Variants in AP5B1 observed in about 807,000 individuals in gnomAD.
The protein encoded by AP5B1 is AP-5 complex subunit beta-1.
In AP5B1, 3 loss-of-function variants were observed where a neutral mutation model predicts 5.7. That is an observed-to-expected ratio of 0.53 (90% CI 0.24 to 1.36). The LOEUF (loss-of-function observed/expected upper bound fraction) is 1.36, where lower values mean the gene tolerates loss of function less well. Ranked by LOEUF, AP5B1 falls within the 40% of genes most tolerant of loss-of-function variation. AP5B1 has a pLI of 0.17. For missense variants in AP5B1, 1,310 were observed against 1,143.2 expected (o/e 1.15, Z -2.10); for synonymous variants, 696 against 555.5 (o/e 1.25, Z -3.56).
At position 65,778,506 on chromosome 11, in the gene AP5B1, G is replaced by A. The variant is rs761631218; in HGVS notation, c.1987C>T (p.Leu663=). The A allele has an allele frequency of 8.9e-6, 14 of 1,573,872 alleles. No individual in the cohort carries two copies. Among genetic ancestry groups the A allele is most frequent in the Non-Finnish European group, 1.2e-5 (14 of 1,164,250 alleles). The change falls in exon 2 of 2, where the codon CTG becomes TTG. Residue 663 remains leucine, a synonymous_variant. Transcript: ENST00000532090. ...TGGGACCCCAGGCTCAGCCGTACCA[G>A]GGCCGGTGCCTCCTGCACCATCAGT... ...AALMVQEAPA[L]VRLSLGSHRV... is the part of the protein sequence containing the mutation.
rs368810053 is a variant in AP5B1, at chr11:65,778,981, A to G, written c.1512T>C (p.Phe504=). 33 of 1,612,532 alleles carry G rather than the reference A, an allele frequency of 2.0e-5. 1 individual carries two copies. The South Asian group carries it at 3.4e-4, about 17-fold the overall frequency. The part of the protein sequence containing the change: ...YQARPMLAPH[F]VDLLDQVDSE... Reference sequence around the variant, plus strand: ...AGTCCACCTGATCCAAGAGGTCCACAAAGTGGGGAGCCAGCATGGGCCGGG... The same window carrying G: ...AGTCCACCTGATCCAAGAGGTCCACGAAGTGGGGAGCCAGCATGGGCCGGG... Residue 504 remains phenylalanine (F), a synonymous_variant, in exon 2 of 2, where the codon TTT becomes TTC. Coordinates refer to ENST00000532090, the MANE Select transcript of AP5B1 (RefSeq NM_138368.5).
In AP5B1 at chr11:65,779,431, A is replaced by T. The variant is rs764544201; in HGVS notation, c.1062T>A (p.Ala354=). The T allele has an allele frequency of 6.2e-7, 1 of 1,607,822 alleles. No individual in the cohort carries two copies. Among genetic ancestry groups the T allele is most frequent in the African/African-American group, 1.3e-5 (1 of 74,882 alleles). Residue 354 remains alanine (A), a synonymous_variant, in exon 2 of 2, where the codon GCT becomes GCA. Coordinates refer to ENST00000532090, the MANE Select transcript of AP5B1 (RefSeq NM_138368.5). The part of the protein sequence containing the change: ...EALLLRRLTL[A]AQHPALPPPT... ...GCGGAGGCAGAGCAGGGTGCTGGGC[A>T]GCCAAGGTGAGCCGGCGGAGCAGCA... is the stretch of plus-strand genomic sequence containing the variant.
rs1857781488 is a variant in AP5B1 at position 65,777,697 on chromosome 11, A to G, written c.*159T>C. Reference sequence around the variant, plus strand: ...GCTAGAGCAGCAAAAACAGACTCAGACAGACCCTCACCCCCAGGAGCCTGC... The same window carrying G: ...GCTAGAGCAGCAAAAACAGACTCAGGCAGACCCTCACCCCCAGGAGCCTGC... On this transcript the variant is annotated 3_prime_UTR_variant, in exon 2 of 2. Coordinates refer to ENST00000532090, the MANE Select transcript of AP5B1 (RefSeq NM_138368.5). The G allele has an allele frequency of 1.2e-6, 1 of 812,664 alleles. No homozygotes were observed. Among genetic ancestry groups the G allele is most frequent in the Non-Finnish European group, 1.9e-6 (1 of 535,994 alleles). 50.3% of individuals were successfully genotyped at this position (812,664 alleles called of 1,614,324 possible).
At position 65,779,189 on chromosome 11, in the gene AP5B1, G is replaced by A; in HGVS notation, c.1304C>T (p.Pro435Leu). ...CTCTTCCAGGTAGTGCCGTGGGCTT[G>A]GAAGCTGGCCTTTCTCCTCTTCTTC... ...EEEEEEKGQL[P>L]SPRHYLEELL... The change falls in exon 2 of 2, where the codon CCA becomes CTA. Residue 435 changes from proline (P) to leucine (L), a missense_variant. Transcript: ENST00000532090. 1 of 1,609,636 alleles carries A rather than the reference G, an allele frequency of 6.2e-7. No individual in the cohort carries two copies. The highest frequency in any genetic ancestry group is 1.3e-5 in the African/African-American group (1 of 74,994).
Position 65,780,425 on chromosome 11 carries a change from G to A in AP5B1, c.150+17C>T, listed in dbSNP as rs1351841659. ...GGTGACCCTGCGGAACGGCGCAGGGGACGCGTGGGGGCCTACCTTGGTCTG... is the reference window on the plus strand; with the variant it reads ...GGTGACCCTGCGGAACGGCGCAGGGAACGCGTGGGGGCCTACCTTGGTCTG... On this transcript the variant is annotated intron_variant, in intron 1 of 1. Coordinates refer to ENST00000532090, the MANE Select transcript of AP5B1 (RefSeq NM_138368.5). 7 of 1,487,872 alleles carry A rather than the reference G, an allele frequency of 4.7e-6. No individual in the cohort carries two copies. The highest frequency in any genetic ancestry group is 4.5e-6 in the Non-Finnish European group (5 of 1,122,192). The allele number at this position is 1,487,872 out of a possible 1,614,324, so 92.2% of individuals were successfully genotyped here. A position where few individuals can be genotyped will look rare whatever the true frequency, so the allele number is the denominator to read the frequency against.
In AP5B1 at chr11:65,778,747, C is replaced by A; in HGVS notation, c.1746G>T (p.Ala582=). The change falls in exon 2 of 2, where the codon GCG becomes GCT. Residue 582 remains alanine (A), a synonymous_variant. Transcript: ENST00000532090. The part of the protein sequence containing the change: ...LQQGLLRVCR[A]LLRAGVRGGL... ...CGCCCCTCACCCCTGCCCGCAGCAG[C>A]GCCCGGCAGACCCGCAGCAGGCCCT... The A allele has an allele frequency of 2.5e-6, 4 of 1,606,716 alleles. No homozygotes were observed. In the East Asian group the frequency reaches 8.9e-5, roughly 36 times the overall value.
At position 65,774,568 on chromosome 11, in the gene AP5B1, C is replaced by T. The variant is rs1590988610; in HGVS notation, c.*3288G>A. Among the ~76,000 whole-genome samples the T allele has an allele frequency of 6.6e-6, 1 of 152,158 alleles. No individual in the cohort carries two copies. Among genetic ancestry groups the T allele is most frequent in the Admixed American group, 6.5e-5 (1 of 15,272 alleles). On this transcript the variant is annotated 3_prime_UTR_variant, in exon 2 of 2. Transcript: ENST00000532090. The stretch of plus-strand genomic sequence containing the variant: ...CTGGGATTATGAGCACGCCACCACA[C>T]CCGGCTAATTTTTGGATTTTTAGTA...
rs1392265588 is a variant in AP5B1 at position 65,777,918 on chromosome 11, C to T, written c.2575G>A (p.Asp859Asn). The change falls in exon 2 of 2, where the codon GAT (aspartate) becomes AAT (asparagine). Residue 859 changes from aspartate (D) to asparagine (N), a missense_variant. Asp to Asn is a conservative substitution (Grantham distance 23). Coordinates refer to ENST00000532090, the MANE Select transcript of AP5B1 (RefSeq NM_138368.5). Reference protein sequence around the residue: ...ADGVPVALRTDDWAVLPLAGD... With the variant: ...ADGVPVALRTNDWAVLPLAGD... ...GCCAGGGGCAGCACGGCCCAGTCAT[C>T]GGTCCGCAGGGCCACAGGCACTCCA... 5 of 1,558,208 alleles carry T rather than the reference C, an allele frequency of 3.2e-6. No homozygotes were observed. Among genetic ancestry groups the T allele is most frequent in the Admixed American group, 1.9e-5 (1 of 51,474 alleles).
rs1334795573 is a variant in AP5B1 at position 65,780,695 on chromosome 11, G to A, written c.-104C>T. The A allele has an allele frequency of 3.3e-6, 4 of 1,204,466 alleles. No homozygotes were observed. In the African/African-American group the frequency reaches 6.4e-5, roughly 19 times the overall value. The allele number at this position is 1,204,466 out of a possible 1,614,324, so 74.6% of individuals were successfully genotyped here. A position where few individuals can be genotyped will look rare whatever the true frequency, so the allele number is the denominator to read the frequency against. On this transcript the variant is annotated 5_prime_UTR_variant, in exon 1 of 2. Coordinates refer to ENST00000532090, the MANE Select transcript of AP5B1 (RefSeq NM_138368.5). ...CCCCGAGGGGCTGCGGTCACCCCCA[G>A]ACGCCGCGCAGATGCCGGCGGGACC...
Position 65,780,583 on chromosome 11 carries a change from G to C in AP5B1, c.9C>G (p.Pro3=), listed in dbSNP as rs766625728. 1.6e-5 allele frequency: 24 copies of C among 1,455,344 alleles called. No homozygotes were observed. Among genetic ancestry groups the C allele is most frequent in the Middle Eastern group, 1.8e-4 (1 of 5,420 alleles). 90.2% of individuals were successfully genotyped at this position (1,455,344 alleles called of 1,614,324 possible). A position where few individuals can be genotyped will look rare whatever the true frequency, so the allele number is the denominator to read the frequency against. MG[P]LSRDAWAQRL... ...GCTGGGCCCAGGCGTCCCGGCTCAGGGGCCCCATGGTGAGGCGCGCGGGCC... is the reference window on the plus strand; with the variant it reads ...GCTGGGCCCAGGCGTCCCGGCTCAGCGGCCCCATGGTGAGGCGCGCGGGCC... The change falls in exon 1 of 2, where the codon CCC becomes CCG. Residue 3 remains proline (P), a synonymous_variant. Transcript: ENST00000532090.
Position 65,777,897 on chromosome 11 carries a change from G to C in AP5B1, c.2596C>G (p.Leu866Val), listed in dbSNP as rs577605653. ...LRTDDWAVLP[L>V]AGDYLRGLAA... Reference sequence around the variant, plus strand: ...AGCCCACGGAGGTAGTCCCCCGCCAGGGGCAGCACGGCCCAGTCATCGGTC... The same window carrying C: ...AGCCCACGGAGGTAGTCCCCCGCCACGGGCAGCACGGCCCAGTCATCGGTC... Residue 866 changes from leucine (L) to valine (V), a missense_variant, in exon 2 of 2, where the codon CTG (leucine) becomes GTG (valine). Coordinates refer to ENST00000532090, the MANE Select transcript of AP5B1 (RefSeq NM_138368.5). The C allele has an allele frequency of 9.4e-5, 146 of 1,547,660 alleles. 4 individuals carry two copies. In the Admixed American group the frequency reaches 2.2e-3, roughly 23 times the overall value.
rs1313253730 is a variant in AP5B1, at chr11:65,775,281, G to C, written c.*2575C>G. Among the ~76,000 whole-genome samples, 1 of 152,178 alleles carries C rather than the reference G, an allele frequency of 6.6e-6. No homozygotes were observed. The highest frequency in any genetic ancestry group is 2.4e-5 in the African/African-American group (1 of 41,416). ...AATGGGATGGATGCACAAGTGGGCA[G>C]ACAGATGGGTGAAAGGATGGTCAGT... is the stretch of plus-strand genomic sequence containing the variant. On this transcript the variant is annotated 3_prime_UTR_variant, in exon 2 of 2. Coordinates refer to ENST00000532090, the MANE Select transcript of AP5B1 (RefSeq NM_138368.5).
Position 65,778,144 on chromosome 11 carries a change from C to A in AP5B1, c.2349G>T (p.Glu783Asp), listed in dbSNP as rs761188257. ...CTGGCAGGCAGGAATCCCAGAGCTC[C>A]TCAAAGAAGCCCAGCCCGGCCCCCT... ...PPEGAGLGFF[E>D]ELWDSCLPEG... is the part of the protein sequence containing the mutation. Residue 783 changes from glutamate (E) to aspartate (D), a missense_variant, in exon 2 of 2, where the codon GAG becomes GAT. Transcript: ENST00000532090. The A allele has an allele frequency of 2.5e-6, 4 of 1,612,912 alleles. No individual in the cohort carries two copies. Among genetic ancestry groups the A allele is most frequent in the Non-Finnish European group, 3.4e-6 (4 of 1,179,888 alleles).
rs1464294509 is a variant in AP5B1 at position 65,778,629 on chromosome 11, G to A, written c.1864C>T (p.Leu622=). The part of the protein sequence containing the change: ...ARLYYILLAH[L]AAPKLGVALG... ...GCCACCCCCAACTTGGGTGCTGCCA[G>A]GTGTGCCAGCAGGATGTAGTAGAGG... Residue 622 remains leucine, a synonymous_variant, in exon 2 of 2, where the codon CTG becomes TTG. Coordinates refer to ENST00000532090, the MANE Select transcript of AP5B1 (RefSeq NM_138368.5). 6.3e-7 allele frequency: 1 copy of A among 1,595,292 alleles called. No homozygotes were observed. Among genetic ancestry groups the A allele is most frequent in the South Asian group, 1.1e-5 (1 of 88,526 alleles).
In AP5B1 at chr11:65,778,985, T is replaced by C. The variant is rs1329842014; in HGVS notation, c.1508A>G (p.His503Arg). The change falls in exon 2 of 2, where the codon CAC becomes CGC. Residue 503 changes from histidine to arginine, a missense_variant. Coordinates refer to ENST00000532090, the MANE Select transcript of AP5B1 (RefSeq NM_138368.5). ...CACCTGATCCAAGAGGTCCACAAAGTGGGGAGCCAGCATGGGCCGGGCTTG... is the reference window on the plus strand; with the variant it reads ...CACCTGATCCAAGAGGTCCACAAAGCGGGGAGCCAGCATGGGCCGGGCTTG... ...LYQARPMLAP[H>R]FVDLLDQVDS... 5.0e-6 allele frequency: 8 copies of C among 1,612,044 alleles called. No homozygotes were observed. The highest frequency in any genetic ancestry group is 1.3e-5 in the African/African-American group (1 of 74,884).
At position 65,774,554 on chromosome 11, in the gene AP5B1, A is replaced by C. The variant is rs115011816; in HGVS notation, c.*3302T>G. Among the ~76,000 whole-genome samples the C allele has an allele frequency of 1.2e-4, 19 of 152,028 alleles. No individual in the cohort carries two copies. The highest frequency in any genetic ancestry group is 2.4e-4 in the Non-Finnish European group (16 of 68,002). On this transcript the variant is annotated 3_prime_UTR_variant, in exon 2 of 2. Coordinates refer to ENST00000532090, the MANE Select transcript of AP5B1 (RefSeq NM_138368.5). The stretch of plus-strand genomic sequence containing the variant: ...AGCCTCCTGAGTAGCTGGGATTATG[A>C]GCACGCCACCACACCCGGCTAATTT...
At position 65,778,387 on chromosome 11, in the gene AP5B1, C is replaced by T. The variant is rs576186075; in HGVS notation, c.2106G>A (p.Gln702=). The T allele has an allele frequency of 2.0e-4, 319 of 1,602,794 alleles. 4 individuals carry two copies. The South Asian group carries it at 3.3e-3, about 17-fold the overall frequency. The change falls in exon 2 of 2, where the codon CAG becomes CAA. Residue 702 remains glutamine (Q), a synonymous_variant. Transcript: ENST00000532090. The part of the protein sequence containing the change: ...SLELRFRVEG[Q]LYAPLEAVHV... Reference sequence around the variant, plus strand: ...GGACAGCCTCCAGGGGTGCATACAGCTGTCCTTCCACACGGAAGCGCAGCT... The same window carrying T: ...GGACAGCCTCCAGGGGTGCATACAGTTGTCCTTCCACACGGAAGCGCAGCT...
Position 65,778,911 on chromosome 11 carries a change from C to T in AP5B1, c.1582G>A (p.Val528Met). 1 of 1,612,298 alleles carries T rather than the reference C, an allele frequency of 6.2e-7. No homozygotes were observed. The highest frequency in any genetic ancestry group is 1.3e-5 in the African/African-American group (1 of 75,074). Residue 528 changes from valine (V) to methionine (M), a missense_variant, in exon 2 of 2, where the codon GTG (valine) becomes ATG (methionine). Val to Met is a conservative substitution (Grantham distance 21). Transcript: ENST00000532090. ...PLKVVLRQVV[V>M]SRPGRDEALC... is the part of the protein sequence containing the mutation. ...GCTTCATCCCTGCCCGGCCTGGACACCACCACCTGCCGCAACACCACCTTC... is the reference window on the plus strand; with the variant it reads ...GCTTCATCCCTGCCCGGCCTGGACATCACCACCTGCCGCAACACCACCTTC...
Position 65,775,411 on chromosome 11 carries a change from G to A in AP5B1, c.*2445C>T, listed in dbSNP as rs542965081. 6.6e-6 allele frequency among the ~76,000 whole-genome samples: 1 copy of A among 152,330 alleles called. No homozygotes were observed. The highest frequency in any genetic ancestry group is 2.4e-5 in the African/African-American group (1 of 41,574). On this transcript the variant is annotated 3_prime_UTR_variant, in exon 2 of 2. Coordinates refer to ENST00000532090, the MANE Select transcript of AP5B1 (RefSeq NM_138368.5). The stretch of plus-strand genomic sequence containing the variant: ...TGCCACTGGAGTTCCGTGGAAGAGA[G>A]AAATGGAGTCCACTAATGAGGTGTC...
Sources: allele counts gnomAD v4.1 joint callset (sites outside exome capture counted in the v4.1 genomes callset), GRCh38; gene constraint gnomAD v4.1.1; transcripts MANE v1.5; gene names NCBI Gene and HGNC (gene_info 2026-07-23, HGNC 2026-07-21).